Variants in USP32 observed in about 807,000 individuals in gnomAD.
USP32 encodes ubiquitin carboxyl-terminal hydrolase 32.
Under a neutral mutation model 204.8 loss-of-function variants are expected in USP32, and 59 were observed. The observed-to-expected ratio is 0.29, with a 90% confidence interval of 0.23 to 0.36. The LOEUF is 0.36. USP32 is among the 10% of genes least tolerant of loss of function. The pLI is 1.00. For missense variants in USP32, 1,160 were observed against 1,946.4 expected (o/e 0.60, Z 7.60); for synonymous variants, 517 against 678.4 (o/e 0.76, Z 3.70).
chr17:60,312,662 T>C (rs8078292), intron 2 of USP32, among the ~76,000 whole-genome samples: 21,229 of 152,024 alleles, frequency 0.14, 3,206 homozygotes, highest in African/African-American at 0.37. Flanking sequence ...GGCTAAAAAA[T>C]TTATCCTGAC....
At chr17:60,373,987 C>A (rs2089493598) in intron 1 of USP32, among the ~76,000 whole-genome samples, 1 of 152,070 alleles carries the variant, frequency 6.6e-6, no homozygotes, top group Non-Finnish European at 1.5e-5. Context: ...GAGTTCAAGA[C>A]CAGCCTGGCC....
At chr17:60,182,701 T>TGCAGTGA (rs1443390383) in intron 31 of USP32, among the ~76,000 whole-genome samples, 24 of 152,048 alleles carry the variant, frequency 1.6e-4, no homozygotes, top group Non-Finnish European at 3.1e-4. Context: ...AGGTAGAGGC[T>TGCAGTGA]GCAGTGAGCT....
At chr17:60,316,754 T>C (rs2087989883) in intron 2 of USP32, among the ~76,000 whole-genome samples, 1 of 152,028 alleles carries the variant, frequency 6.6e-6, no homozygotes, top group African/African-American at 2.4e-5. Flanking sequence ...GGCAGGATAA[T>C]TGCTTCAGCC....
intron 4 of USP32, among the ~76,000 whole-genome samples, chr17:60,294,329 C>T (rs1023654996): frequency 2.0e-5 from 3 of 151,658 alleles, no homozygotes; most frequent in Non-Finnish European, 4.4e-5. Context: ...GAATGATATC[C>T]GTGATGAAAA....
intron 11 of USP32, 121 bp downstream of exon 11, chr17:60,252,260 T>C (rs1033214525): frequency 5.0e-6 from 4 of 805,976 alleles, no homozygotes; most frequent in Non-Finnish European, 7.8e-6. Flanking sequence ...AATATTTCAA[T>C]ATGTAACTAT....
chr17:60,250,949 C>CTT (rs951336634), intron 11 of USP32, among the ~76,000 whole-genome samples: 4 of 143,756 alleles, frequency 2.8e-5, no homozygotes, highest in Admixed American at 7.0e-5. Context: ...CCTTTCTTTT[C>CTT]TTTTTTTTTT....
At chr17:60,391,817 A>T in intron 1 of USP32, 65 bp downstream of exon 1, 14 of 1,516,018 alleles carry the variant, frequency 9.2e-6, no homozygotes, top group Non-Finnish European at 1.3e-5. Flanking sequence ...CCTCCCGGTT[A>T]CCCACCCTCC....
In USP32 at chr17:60,332,810, C is replaced by G. The variant is rs1185754073; in HGVS notation, c.186+12671G>C. On this transcript the variant is annotated intron_variant, in intron 2 of 33. Transcript: ENST00000300896. ...ATCTTAAACATGCATGCTATTTTTT[C>G]CTGGCTTAATTTATTCAGCATAATG... 2.6e-5 allele frequency among the ~76,000 whole-genome samples: 4 copies of G among 152,060 alleles called. No homozygotes were observed. In the East Asian group the frequency reaches 7.7e-4, roughly 29 times the overall value.
chr17:60,290,700 A>T (rs1364498992), intron 4 of USP32, among the ~76,000 whole-genome samples: 6 of 151,612 alleles, frequency 4.0e-5, no homozygotes, highest in Non-Finnish European at 8.8e-5. Flanking sequence ...TAATGAATGG[A>T]CCCCACAGCT....
chr17:60,421,207 C>T (rs917700125), intron 1 of USP32: 1 of 263,546 alleles, frequency 3.8e-6, no homozygotes, highest in Admixed American at 6.5e-5. Flanking sequence ...GACCTTCCAT[C>T]TTGGAGGCGG....
In USP32 at chr17:60,204,973, A is replaced by G. The variant is rs532541558; in HGVS notation, c.3249+474T>C. On this transcript the variant is annotated intron_variant, in intron 26 of 33. Transcript: ENST00000300896. ...AAAGAAGTCTTTTTTTTTTTTTTTT[A>G]GAAGAGACGAGGTCTCACTATGTTG... is the stretch of plus-strand genomic sequence containing the variant. Among the ~76,000 whole-genome samples, 305 of 140,264 alleles carry G rather than the reference A, an allele frequency of 2.2e-3. 1 individual carries two copies. The highest frequency in any genetic ancestry group is 7.8e-3 in the African/African-American group (291 of 37,276). 92.0% of individuals were successfully genotyped at this position (140,264 alleles called of 152,430 possible). A position where few individuals can be genotyped will look rare whatever the true frequency, so the allele number is the denominator to read the frequency against.
At chr17:60,388,092 C>T (rs1403075251) in intron 1 of USP32, among the ~76,000 whole-genome samples, 2 of 151,798 alleles carry the variant, frequency 1.3e-5, no homozygotes, top group East Asian at 1.9e-4. Context: ...CAGTAAAAAT[C>T]TGCTGAATTA....
chr17:60,178,962 C>A lies in USP32; in HGVS notation c.*293G>T. 1 of 325,102 alleles carries A rather than the reference C, an allele frequency of 3.1e-6. No individual in the cohort carries two copies. Among genetic ancestry groups the A allele is most frequent in the South Asian group, 6.6e-5 (1 of 15,138 alleles). 20.1% of individuals were successfully genotyped at this position (325,102 alleles called of 1,614,324 possible). ...ACATATTTGTTCATATCTGGACAAGCACAATTGAATTCTTATTTGGTCCCA... is the reference window on the plus strand; with the variant it reads ...ACATATTTGTTCATATCTGGACAAGAACAATTGAATTCTTATTTGGTCCCA... On this transcript the variant is annotated 3_prime_UTR_variant, in exon 34 of 34. Transcript: ENST00000300896.
intron 5 of USP32, among the ~76,000 whole-genome samples, chr17:60,283,934 C>T (rs1411937981): frequency 6.6e-6 from 1 of 151,880 alleles, no homozygotes; most frequent in African/African-American, 2.4e-5. Context: ...GGCTGATCCA[C>T]TGGAAATAAC....
chr17:60,180,418 T>C (rs1309049200), intron 33 of USP32, 127 bp downstream of exon 33: 1 of 1,054,704 alleles, frequency 9.5e-7, no homozygotes, highest in Non-Finnish European at 1.4e-6. Context: ...ACTGACAGCA[T>C]CTATATATTG....
At chr17:60,373,566 C>G (rs1448710956) in intron 1 of USP32, among the ~76,000 whole-genome samples, 1 of 151,610 alleles carries the variant, frequency 6.6e-6, no homozygotes, top group Non-Finnish European at 1.5e-5. Context: ...GCCTCAGCCT[C>G]AGCCTCCTGA....
At chr17:60,361,462 G>A (rs1251408271) in intron 1 of USP32, among the ~76,000 whole-genome samples, 2 of 152,042 alleles carry the variant, frequency 1.3e-5, no homozygotes, top group East Asian at 3.9e-4. Context: ...TCATATTTAG[G>A]CTGTTACCCG....
At chr17:60,367,111 G>A (rs1363089641) in intron 1 of USP32, among the ~76,000 whole-genome samples, 2 of 152,206 alleles carry the variant, frequency 1.3e-5, no homozygotes, top group East Asian at 1.9e-4. Flanking sequence ...ACAGGCGTGA[G>A]CCACCGCGCC....
At chr17:60,237,385 G>A (rs1050798311) in intron 11 of USP32, among the ~76,000 whole-genome samples, 2 of 151,144 alleles carry the variant, frequency 1.3e-5, no homozygotes, top group African/African-American at 4.9e-5. Context: ...AAAAGTGTTG[G>A]GATTACAGAC....
Sources: allele counts gnomAD v4.1 joint callset (sites outside exome capture counted in the v4.1 genomes callset), GRCh38; gene constraint gnomAD v4.1.1; transcripts MANE v1.5; gene names NCBI Gene and HGNC (gene_info 2026-07-23, HGNC 2026-07-21).